Variants in GPC5 observed in about 807,000 individuals in gnomAD.
GPC5 encodes the protein glypican 5, also known as glypican-5.
Under a neutral mutation model 53.9 loss-of-function variants are expected in GPC5, and 47 were observed. The observed-to-expected ratio is 0.87, with a 90% CI of 0.69 to 1.11. The LOEUF is 1.11. Among genes scored for constraint, GPC5 ranks in the 50% most tolerant of loss-of-function variants. The pLI, the probability that GPC5 is intolerant of heterozygous loss-of-function variation, is 0.00. For missense variants in GPC5, 748 were observed against 713.1 expected (o/e 1.05, Z -0.56); for synonymous variants, 286 against 263.3 (o/e 1.09, Z -0.84).
intron 5 of GPC5, among the ~76,000 whole-genome samples, chr13:91,880,850 G>A (rs1180164480): frequency 6.6e-6 from 1 of 152,068 alleles, no homozygotes; most frequent in African/African-American, 2.4e-5. Flanking sequence ...GAGTGCAGTG[G>A]TGTGATCTCA....
intron 5 of GPC5, among the ~76,000 whole-genome samples, chr13:91,846,027 T>C (rs2038845013): frequency 6.6e-6 from 1 of 152,170 alleles, no homozygotes; most frequent in Admixed American, 6.5e-5. Flanking sequence ...TTCCATTTTC[T>C]TTCCTTTTGG....
At chr13:92,009,989 A>G (rs528539127) in intron 6 of GPC5, among the ~76,000 whole-genome samples, 4 of 152,318 alleles carry the variant, frequency 2.6e-5, no homozygotes, top group Admixed American at 2.6e-4. Flanking sequence ...TTGTAAACAT[A>G]GAGTACTTTG....
intron 1 of GPC5, among the ~76,000 whole-genome samples, chr13:91,413,517 T>C (rs1026332697): frequency 2.6e-5 from 4 of 152,366 alleles, no homozygotes; most frequent in Admixed American, 2.6e-4. Context: ...GTTTGAATTC[T>C]TAAAAAAGAT....
intron 7 of GPC5, among the ~76,000 whole-genome samples, chr13:92,591,194 C>CT (rs1214687407): frequency 6.6e-6 from 1 of 152,128 alleles, no homozygotes; most frequent in Non-Finnish European, 1.5e-5. Context: ...TTTTAGGAAG[C>CT]TTCAGTCTCT....
intron 7 of GPC5, among the ~76,000 whole-genome samples, chr13:92,164,160 C>T (rs916713606): frequency 2.6e-5 from 4 of 152,142 alleles, no homozygotes; most frequent in African/African-American, 9.7e-5. Flanking sequence ...CATTCTGCCC[C>T]TGGCCCTTCC....
intron 6 of GPC5, among the ~76,000 whole-genome samples, chr13:92,080,519 A>G (rs1375690958): frequency 6.6e-6 from 1 of 152,006 alleles, no homozygotes; most frequent in Non-Finnish European, 1.5e-5. Context: ...CCTTATTATG[A>G]TTTTCTACAT....
chr13:92,622,309 T>G (rs1270719396), intron 7 of GPC5, among the ~76,000 whole-genome samples: 2 of 152,238 alleles, frequency 1.3e-5, no homozygotes, highest in Non-Finnish European at 2.9e-5. Context: ...CCTCCATTTC[T>G]GTTTCCCTCT....
intron 6 of GPC5, among the ~76,000 whole-genome samples, chr13:91,932,963 A>G (rs1039324759): frequency 5.9e-5 from 9 of 151,978 alleles, no homozygotes; most frequent in Non-Finnish European, 1.0e-4. Flanking sequence ...AGGTTAAACA[A>G]ATTTAAATGG....
intron 5 of GPC5, among the ~76,000 whole-genome samples, chr13:91,805,530 G>A (rs1199428999): frequency 1.3e-5 from 2 of 152,126 alleles, no homozygotes; most frequent in African/African-American, 4.8e-5. Flanking sequence ...CACAAGACGT[G>A]TATATTAATG....
intron 2 of GPC5, among the ~76,000 whole-genome samples, chr13:91,586,499 GA>G (rs2032572786): frequency 3.4e-5 from 1 of 29,150 alleles, no homozygotes; most frequent in Non-Finnish European, 7.6e-5. Flanking sequence ...AAGGCAGCAG[GA>G]TATATATATA....
In GPC5 at chr13:92,081,304, G is replaced by A. The variant is rs534836941; in HGVS notation, c.1402-63526G>A. 8.0e-4 allele frequency among the ~76,000 whole-genome samples: 122 copies of A among 152,174 alleles called. 1 individual carries two copies. In the Middle Eastern group the frequency reaches 0.031, roughly 38 times the overall value. ...TTCAATAAGAATGGGGCTTCACCAT[G>A]TTGGCCAGGCTGGTCTCGAACTCCT... On this transcript the variant is annotated intron_variant, in intron 6 of 7. Coordinates refer to ENST00000377067, the MANE Select transcript of GPC5 (RefSeq NM_004466.6).
At chr13:91,628,415 T>C (rs2034065979) in intron 2 of GPC5, among the ~76,000 whole-genome samples, 2 of 152,232 alleles carry the variant, frequency 1.3e-5, no homozygotes, top group Admixed American at 1.3e-4. Context: ...ACTCATGTGT[T>C]ATTTCAGGTA....
intron 6 of GPC5, among the ~76,000 whole-genome samples, chr13:91,947,087 A>G (rs1360671532): frequency 6.6e-6 from 1 of 152,146 alleles, no homozygotes; most frequent in Non-Finnish European, 1.5e-5. Flanking sequence ...TTGCACACAG[A>G]AGAACCCTTT....
At chr13:92,576,482 G>T (rs538946247) in intron 7 of GPC5, among the ~76,000 whole-genome samples, 2 of 152,326 alleles carry the variant, frequency 1.3e-5, no homozygotes, top group South Asian at 4.1e-4. Flanking sequence ...ATGAGAAGCT[G>T]TGTGGCACTT....
intron 6 of GPC5, among the ~76,000 whole-genome samples, chr13:92,140,263 G>C (rs1173999073): frequency 1.3e-5 from 2 of 152,202 alleles, no homozygotes; most frequent in Non-Finnish European, 2.9e-5. Flanking sequence ...TGATGGTTCT[G>C]CAGTAGAAGC....
At chr13:92,324,127 A>T (rs2139226843) in intron 7 of GPC5, among the ~76,000 whole-genome samples, 1 of 152,122 alleles carries the variant, frequency 6.6e-6, no homozygotes, top group African/African-American at 2.4e-5. Flanking sequence ...ATGAAGAAAA[A>T]ATGTTCCTTT....
intron 7 of GPC5, among the ~76,000 whole-genome samples, chr13:92,544,986 G>A (rs1277436682): frequency 1.3e-5 from 2 of 151,864 alleles, no homozygotes; most frequent in Non-Finnish European, 2.9e-5. Context: ...TGTTACATAT[G>A]TATACATGTG....
intron 7 of GPC5, among the ~76,000 whole-genome samples, chr13:92,309,933 A>G (rs1211052714): frequency 6.6e-6 from 1 of 152,050 alleles, no homozygotes; most frequent in Non-Finnish European, 1.5e-5. Flanking sequence ...ATCCCCTGGC[A>G]GTCTTCTTCT....
At chr13:91,776,905 A>C (rs1308000575) in intron 5 of GPC5, among the ~76,000 whole-genome samples, 1 of 152,210 alleles carries the variant, frequency 6.6e-6, no homozygotes, top group African/African-American at 2.4e-5. Flanking sequence ...TCAGAAAATA[A>C]TTAAATCTCT....
Sources: gnomAD v4.1 joint callset for allele counts (sites outside exome capture counted in the v4.1 genomes callset) on GRCh38, gnomAD v4.1.1 for gene constraint, MANE v1.5 for transcripts, NCBI Gene and HGNC (gene_info 2026-07-23, HGNC 2026-07-21) for gene names.